The following E2F3 variants were observed in gnomAD, a reference collection of about 807,000 sequenced individuals.
E2F3 encodes E2F transcription factor 3, also known as transcription factor E2F3.
A neutral mutation model predicts 44.4 loss-of-function variants in E2F3; 11 were observed. The ratio of observed to expected loss-of-function variants is 0.25; its 90% CI spans 0.16 to 0.41. The LOEUF (loss-of-function observed/expected upper bound fraction) is 0.41. Among genes scored for constraint, E2F3 ranks in the 10% least tolerant of loss-of-function variants. The pLI is 1.00. For missense variants in E2F3, 487 were observed against 583.6 expected, an observed-to-expected ratio of 0.83 and a Z score of 1.70; for synonymous variants, 249 against 253.0, an observed-to-expected ratio of 0.98 and a Z score of 0.15.
rs956491973 is a variant in E2F3, at chr6:20,402,832, G to C, written c.393+207G>C. Among the ~76,000 whole-genome samples the C allele has an allele frequency of 6.6e-6, 1 of 152,142 alleles. No homozygotes were observed. Among genetic ancestry groups the C allele is most frequent in the Non-Finnish European group, 1.5e-5 (1 of 68,022 alleles). On this transcript the variant is annotated intron_variant, in intron 1 of 6. Coordinates refer to ENST00000346618, the MANE Select transcript of E2F3 (RefSeq NM_001949.5). The surrounding 1 kb of genome is among the most constrained non-coding windows in gnomAD (Gnocchi z 5.6). ...GGTCGGGGGGCTCGGCCAGGCGCGC[G>C]GGGCGGCGGGGATTGCCTTGGCGCG...
intron 1 of E2F3, among the ~76,000 whole-genome samples, chr6:20,442,787 T>G (rs1488327237): frequency 6.6e-6 from 1 of 152,010 alleles, no homozygotes; most frequent in Non-Finnish European, 1.5e-5. Flanking sequence ...CTGGAAAACA[T>G]GGTGAAACCC....
At chr6:20,456,205 G>A (rs762880789) in intron 1 of E2F3, among the ~76,000 whole-genome samples, 5 of 151,692 alleles carry the variant, frequency 3.3e-5, no homozygotes, top group Non-Finnish European at 5.9e-5. Context: ...GCCCTAGAAA[G>A]TAGTATGCCA....
chr6:20,445,279 C>G (rs1760904815), intron 1 of E2F3, among the ~76,000 whole-genome samples: 1 of 151,500 alleles, frequency 6.6e-6, no homozygotes. Flanking sequence ...TCACTCTGTC[C>G]CCCAGGCTGG....
At chr6:20,447,052 G>A (rs1760969187) in intron 1 of E2F3, among the ~76,000 whole-genome samples, 1 of 152,122 alleles carries the variant, frequency 6.6e-6, no homozygotes, top group Non-Finnish European at 1.5e-5. Flanking sequence ...GTCTTTCTTG[G>A]ATAATATCAA....
At position 20,420,743 on chromosome 6, in the gene E2F3, C is replaced by T. The variant is rs182877724; in HGVS notation, c.393+18118C>T. Among the ~76,000 whole-genome samples the T allele has an allele frequency of 2.6e-3, 389 of 152,330 alleles. 3 individuals carry two copies. The highest frequency in any genetic ancestry group is 8.1e-3 in the African/African-American group (337 of 41,564). Reference sequence around the variant, plus strand: ...GCTGGTGGAGGGTTTTGCCTTCACACTGAAGACTGTTGCTGTTTAGGGAAG... The same window carrying T: ...GCTGGTGGAGGGTTTTGCCTTCACATTGAAGACTGTTGCTGTTTAGGGAAG... On this transcript the variant is annotated intron_variant, in intron 1 of 6. Transcript: ENST00000346618.
At chr6:20,468,142 G>A (rs888169424) in intron 1 of E2F3, among the ~76,000 whole-genome samples, 4 of 152,146 alleles carry the variant, frequency 2.6e-5, no homozygotes, top group Non-Finnish European at 5.9e-5. Flanking sequence ...ATTCTGCAGC[G>A]GACACTAGCT....
chr6:20,423,799 G>A (rs190686127), intron 1 of E2F3, among the ~76,000 whole-genome samples: 6 of 147,618 alleles, frequency 4.1e-5, no homozygotes, highest in South Asian at 4.3e-4. Flanking sequence ...ACAGAGTTTC[G>A]CTCTTGTTGC....
intron 1 of E2F3, among the ~76,000 whole-genome samples, chr6:20,418,630 T>C (rs1759926527): frequency 6.6e-6 from 1 of 152,242 alleles, no homozygotes. Flanking sequence ...GGTTATTGCC[T>C]GTGTTCTCGA....
chr6:20,461,382 C>G (rs9465756), intron 1 of E2F3, among the ~76,000 whole-genome samples: 1 of 152,002 alleles, frequency 6.6e-6, no homozygotes, highest in Non-Finnish European at 1.5e-5. Context: ...TAGTCCCAGC[C>G]ACTTGGGAGG....
At chr6:20,476,540 GC>G (rs1446957984) in intron 1 of E2F3, among the ~76,000 whole-genome samples, 1 of 152,182 alleles carries the variant, frequency 6.6e-6, no homozygotes, top group Non-Finnish European at 1.5e-5. Flanking sequence ...CCCTGGGAAG[GC>G]CCCATTCTCA....
intron 1 of E2F3, among the ~76,000 whole-genome samples, chr6:20,453,962 G>C (rs1208229499): frequency 2.0e-5 from 3 of 152,138 alleles, no homozygotes; most frequent in Admixed American, 1.3e-4. Context: ...GAATGAATGA[G>C]GTTAACAACC....
At chr6:20,453,898 A>C (rs1446463198) in intron 1 of E2F3, among the ~76,000 whole-genome samples, 2 of 152,198 alleles carry the variant, frequency 1.3e-5, no homozygotes, top group African/African-American at 4.8e-5. Context: ...TTCTCTTTTT[A>C]ACTCAAGACA....
chr6:20,436,946 C>T (rs1760607013), intron 1 of E2F3, among the ~76,000 whole-genome samples: 3 of 152,000 alleles, frequency 2.0e-5, no homozygotes, highest in African/African-American at 7.3e-5. Context: ...ACAGTGAGAC[C>T]CCATCTCCAC....
chr6:20,460,628 C>T (rs959288935), intron 1 of E2F3, among the ~76,000 whole-genome samples: 4 of 152,104 alleles, frequency 2.6e-5, no homozygotes, highest in African/African-American at 9.7e-5. Flanking sequence ...TTATACATGC[C>T]TTCCTGTGCA....
intron 1 of E2F3, among the ~76,000 whole-genome samples, chr6:20,438,383 A>AT (rs1380159311): frequency 1.3e-5 from 2 of 152,074 alleles, no homozygotes; most frequent in African/African-American, 2.4e-5. Context: ...TCCCCATCAG[A>AT]TTTTTTTCTG....
In E2F3 at chr6:20,445,105, C is replaced by T. The variant is rs530415917; in HGVS notation, c.394-34741C>T. On this transcript the variant is annotated intron_variant, in intron 1 of 6. Transcript: ENST00000346618. ...CTCAGTCGGGCTGGAGAGTCGAGAG[C>T]GGGTCATGGTGAGTTGGTCTTTTTG... 101 of 985,356 alleles carry T rather than the reference C, an allele frequency of 1.0e-4. No homozygotes were observed. The African/African-American group carries it at 1.3e-3, about 12-fold the overall frequency. 61.0% of individuals were successfully genotyped at this position (985,356 alleles called of 1,614,324 possible).
intron 1 of E2F3, among the ~76,000 whole-genome samples, chr6:20,472,481 G>A (rs1174145123): frequency 6.6e-6 from 1 of 151,854 alleles, no homozygotes; most frequent in Non-Finnish European, 1.5e-5. Context: ...GAGCATAGGA[G>A]TTCAAGATTG....
chr6:20,488,636 T>G (rs1762467424), intron 6 of E2F3, among the ~76,000 whole-genome samples: 1 of 152,158 alleles, frequency 6.6e-6, no homozygotes, highest in African/African-American at 2.4e-5. Context: ...AAGCCTTTGT[T>G]GGAGAATTTT....
chr6:20,410,738 C>T (rs1759644600), intron 1 of E2F3, among the ~76,000 whole-genome samples: 1 of 152,172 alleles, frequency 6.6e-6, no homozygotes, highest in Non-Finnish European at 1.5e-5. Context: ...CCTGCCTCAG[C>T]CTCCCCCGTA....
Sources: allele counts gnomAD v4.1 joint callset (sites outside exome capture counted in the v4.1 genomes callset), GRCh38; gene constraint gnomAD v4.1.1; non-coding constraint Gnocchi (gnomAD v3.1); transcripts MANE v1.5; gene names NCBI Gene and HGNC (gene_info 2026-07-23, HGNC 2026-07-21).